The following ZNF722 variants were observed in gnomAD, a reference collection of about 807,000 sequenced individuals.
The protein encoded by ZNF722 is zinc finger protein 479 pseudogene.
At chr7:64,012,379 T>C in the ZNF722 span, among the ~76,000 whole-genome samples, 2 of 152,172 alleles carry the variant, frequency 1.3e-5, no homozygotes, top group African/African-American at 4.8e-5. Context: ...TTTTCAGCTT[T>C]TCTGCTTTGG....
chr7:64,013,008 C>T, the ZNF722 span, among the ~76,000 whole-genome samples: 336 of 152,248 alleles, frequency 2.2e-3, no homozygotes, highest in African/African-American at 7.8e-3. Flanking sequence ...TAATTGTAAG[C>T]TTCCTCATAT....
At chr7:64,007,222 T>TGTGTGTGTGTG in the ZNF722 span, among the ~76,000 whole-genome samples, 6 of 131,818 alleles carry the variant, frequency 4.6e-5, no homozygotes, top group African/African-American at 1.8e-4. Context: ...ATTTGTGTGT[T>TGTGTGTGTGTG]TGTGTGTGTA....
At chr7:63,999,813 T>G in the ZNF722 span, among the ~76,000 whole-genome samples, 3 of 151,808 alleles carry the variant, frequency 2.0e-5, no homozygotes, top group African/African-American at 7.3e-5. Flanking sequence ...TTCTCCCACC[T>G]CAGGCTCCCG....
At chr7:64,011,523 G>T in the ZNF722 span, among the ~76,000 whole-genome samples, 2 of 152,244 alleles carry the variant, frequency 1.3e-5, no homozygotes, top group African/African-American at 2.4e-5. Flanking sequence ...AGTTTGGCTG[G>T]ATATGAGATT....
the ZNF722 span, among the ~76,000 whole-genome samples, chr7:64,006,032 T>C: frequency 6.6e-6 from 1 of 152,184 alleles, no homozygotes; most frequent in African/African-American, 2.4e-5. Flanking sequence ...AATGTTTGAT[T>C]CAGTAGTACT....
chr7:64,000,468 T>TTTTTTTTTTTTA, the ZNF722 span, among the ~76,000 whole-genome samples: 1 of 127,942 alleles, frequency 7.8e-6, no homozygotes, highest in African/African-American at 3.2e-5. Flanking sequence ...TTTTTTTTTT[T>TTTTTTTTTTTTA]GAGAGGGAGT....
At chr7:64,016,010 C>T in the ZNF722 span, 8 of 854,792 alleles carry the variant, frequency 9.4e-6, no homozygotes, top group Admixed American at 1.5e-4. Context: ...ATGGACAAAC[C>T]TTTAACAAGT....
the ZNF722 span, among the ~76,000 whole-genome samples, chr7:64,016,727 C>T: frequency 6.6e-6 from 1 of 151,986 alleles, no homozygotes; most frequent in African/African-American, 2.4e-5. Flanking sequence ...AACTGGTTTC[C>T]ATCCTTATTA....
the ZNF722 span, among the ~76,000 whole-genome samples, chr7:64,007,240 A>ATATATATATATATTTATATATATATT: frequency 5.7e-5 from 8 of 139,864 alleles, no homozygotes; most frequent in Admixed American, 7.4e-5. Context: ...GTATATATAT[A>ATATATATATATATTTATATATATATT]TATATATATA....
the ZNF722 span, among the ~76,000 whole-genome samples, chr7:64,017,742 T>G: frequency 6.6e-6 from 1 of 152,182 alleles, no homozygotes; most frequent in Non-Finnish European, 1.5e-5. Context: ...GCACTGAAAC[T>G]TCAGACATTA....
chr7:64,017,772 A>C, the ZNF722 span, among the ~76,000 whole-genome samples: 4 of 152,244 alleles, frequency 2.6e-5, no homozygotes, highest in Non-Finnish European at 4.4e-5. Flanking sequence ...AGAGTGTTGA[A>C]TGTAAAAGAG....
the ZNF722 span, among the ~76,000 whole-genome samples, chr7:64,011,977 T>C: frequency 6.6e-6 from 1 of 152,110 alleles, no homozygotes; most frequent in Non-Finnish European, 1.5e-5. Flanking sequence ...TAAACTTCTC[T>C]TCTCACTTCA....
the ZNF722 span, among the ~76,000 whole-genome samples, chr7:64,012,988 A>C: frequency 6.6e-6 from 1 of 151,988 alleles, no homozygotes; most frequent in Non-Finnish European, 1.5e-5. Context: ...TTCTTTTTTG[A>C]CTTCCACTGT....
At chr7:64,004,410 TAAAA>T in the ZNF722 span, among the ~76,000 whole-genome samples, 55 of 35,246 alleles carry the variant, frequency 1.6e-3, 1 homozygote, top group African/African-American at 6.1e-3. Context: ...CTCTGTCTCT[TAAAA>T]AAAAAAAAAA....
chr7:64,004,421 A>AT, the ZNF722 span, among the ~76,000 whole-genome samples: 85 of 69,398 alleles, frequency 1.2e-3, 1 homozygote, highest in East Asian at 7.4e-3. Flanking sequence ...AAAAAAAAAA[A>AT]AAAAATATAT....
At chr7:64,002,670 C>T in the ZNF722 span, among the ~76,000 whole-genome samples, 3 of 152,176 alleles carry the variant, frequency 2.0e-5, no homozygotes, top group African/African-American at 7.2e-5. Context: ...AAAATTAAAT[C>T]ACATTATGTG....
At chr7:64,011,668 G>T in the ZNF722 span, among the ~76,000 whole-genome samples, 1 of 152,084 alleles carries the variant, frequency 6.6e-6, no homozygotes, top group East Asian at 1.9e-4. Context: ...CTTTCTCTCT[G>T]GCTGCCCTTA....
the ZNF722 span, among the ~76,000 whole-genome samples, chr7:64,000,690 A>G: frequency 6.6e-6 from 1 of 151,698 alleles, no homozygotes; most frequent in African/African-American, 2.4e-5. Context: ...GACTCAAGTG[A>G]TCAGCCTGCC....
the ZNF722 span, among the ~76,000 whole-genome samples, chr7:64,012,909 T>G: frequency 6.6e-6 from 1 of 152,164 alleles, no homozygotes; most frequent in Non-Finnish European, 1.5e-5. Context: ...ACATGAGAGC[T>G]GCTTGCTTAA....
Sources: allele counts gnomAD v4.1 joint callset (sites outside exome capture counted in the v4.1 genomes callset), GRCh38; gene constraint gnomAD v4.1.1; transcripts MANE v1.5; gene names NCBI Gene and HGNC (gene_info 2026-07-23, HGNC 2026-07-21).